The following DAXX variants were observed in gnomAD, a reference collection of about 807,000 sequenced individuals.
DAXX encodes the protein death domain-associated protein 6.
A neutral mutation model predicts 61.9 loss-of-function variants in DAXX; 24 were observed. That is an observed-to-expected ratio of 0.39 (90% CI 0.28 to 0.55). DAXX has a LOEUF of 0.55. DAXX is among the 20% of genes least tolerant of loss of function. The pLI, the probability that DAXX is intolerant of heterozygous loss-of-function variation, is 0.69. For missense variants in DAXX, 819 were observed against 935.3 expected (o/e 0.88, Z 1.62); for synonymous variants, 357 against 369.5 (o/e 0.97, Z 0.39).
In DAXX at chr6:33,320,861, G is replaced by A. The variant is rs2150994355; in HGVS notation, c.914C>T (p.Pro305Leu). 2 of 1,614,192 alleles carry A rather than the reference G, an allele frequency of 1.2e-6. No homozygotes were observed. Among genetic ancestry groups the A allele is most frequent in the Non-Finnish European group, 8.5e-7 (1 of 1,180,022 alleles). Reference protein sequence around the residue: ...KAAARHSLGLPRQQLQLMAQD... With the variant: ...KAAARHSLGLLRQQLQLMAQD... ...AGCCATGAGCTGGAGCTGCTGTCGG[G>A]GGAGGCCAAGGCTGTGTCGGGCAGC... Residue 305 changes from proline to leucine, a missense_variant, in exon 3 of 8, where the codon CCC becomes CTC. Physicochemically the swap from Pro to Leu is moderately conservative, Grantham distance 98. Coordinates refer to ENST00000374542, the MANE Select transcript of DAXX (RefSeq NM_001141969.2). The surrounding 1 kb of genome is among the most constrained non-coding windows in gnomAD (Gnocchi z 7.1).
At position 33,321,697 on chromosome 6, in the gene DAXX, A is replaced by G; in HGVS notation, c.207+22T>C. The G allele has an allele frequency of 6.2e-7, 1 of 1,611,540 alleles. No homozygotes were observed. The highest frequency in any genetic ancestry group is 8.5e-7 in the Non-Finnish European group (1 of 1,178,918). On this transcript the variant is annotated intron_variant, in intron 2 of 7. Coordinates refer to ENST00000374542, the MANE Select transcript of DAXX (RefSeq NM_001141969.2). This position sits in a 1 kb window ranked among gnomAD's most constrained non-coding sequence, Gnocchi z 7.2. ...GCCATCCCCCTCCCTGGGGTACAAC[A>G]ATCTTCCCCGCTAAAGCTCACCTCT... is the stretch of plus-strand genomic sequence containing the variant.
At position 33,318,904 on chromosome 6, in the gene DAXX, AG is replaced by A. The variant is rs570591011; in HGVS notation, c.2163+92del. On this transcript the variant is annotated intron_variant, in intron 7 of 7. Transcript: ENST00000374542. ...AAATGGGTGGGAAAAAGGAAGAGAC[AG>A]GATGTGGCACGTGGAATATTCAGAC... The A allele has an allele frequency of 5.0e-4, 656 of 1,306,012 alleles. 5 individuals carry two copies. The African/African-American group carries it at 6.7e-3, about 13-fold the overall frequency. 80.9% of individuals were successfully genotyped at this position (1,306,012 alleles called of 1,614,324 possible). A position where few individuals can be genotyped will look rare whatever the true frequency, so the allele number is the denominator to read the frequency against.
chr6:33,319,559 G>T lies in DAXX; in HGVS notation c.1761C>A (p.Ser587=). The change falls in exon 6 of 8, where the codon TCC becomes TCA. Residue 587 remains serine (S), a synonymous_variant. Transcript: ENST00000374542. The part of the protein sequence containing the change: ...DTPSSVETDI[S]SSRKQSEEPF... ...GCTCCTCTGATTGCTTCCTGGAAGA[G>T]GAAATGTCCGTCTCCACAGAGGAAG... 5 of 1,614,208 alleles carry T rather than the reference G, an allele frequency of 3.1e-6. No individual in the cohort carries two copies. Among genetic ancestry groups the T allele is most frequent in the Non-Finnish European group, 4.2e-6 (5 of 1,180,036 alleles).
Position 33,319,594 on chromosome 6 carries a change from G to C in DAXX, c.1726C>G (p.Leu576Val), listed in dbSNP as rs910713446. The C allele has an allele frequency of 6.2e-7, 1 of 1,614,184 alleles. No individual in the cohort carries two copies. The highest frequency in any genetic ancestry group is 1.3e-5 in the African/African-American group (1 of 75,034). The change falls in exon 6 of 8, where the codon CTG becomes GTG. Residue 576 changes from leucine to valine, a missense_variant. Leu to Val is a conservative substitution (Grantham distance 32). Coordinates refer to ENST00000374542, the MANE Select transcript of DAXX (RefSeq NM_001141969.2). ...LFELEIEALP[L>V]DTPSSVETDI... ...GTCTCCACAGAGGAAGGGGTATCCA[G>C]GGGCAAAGCTTCAATCTCTAGCTCA...
Position 33,320,841 on chromosome 6 carries a change from T to G in DAXX, c.934A>C (p.Met312Leu). The G allele has an allele frequency of 2.5e-6, 4 of 1,614,158 alleles. No individual in the cohort carries two copies. Among genetic ancestry groups the G allele is most frequent in the Non-Finnish European group, 3.4e-6 (4 of 1,180,024 alleles). Residue 312 changes from methionine to leucine, a missense_variant, in exon 3 of 8, where the codon ATG (methionine) becomes CTG (leucine). Met to Leu is a conservative substitution (Grantham distance 15). Coordinates refer to ENST00000374542, the MANE Select transcript of DAXX (RefSeq NM_001141969.2). This position sits in a 1 kb window ranked among gnomAD's most constrained non-coding sequence, Gnocchi z 7.1. The part of the protein sequence containing the change: ...LGLPRQQLQL[M>L]AQDAFRDVGI... The stretch of plus-strand genomic sequence containing the variant: ...ACATCTCGGAAGGCATCCTGAGCCA[T>G]GAGCTGGAGCTGCTGTCGGGGGAGG...
chr6:33,319,917 G>A, intron 5 of DAXX, 63 bp from the exon 6 acceptor site: 1 of 1,598,938 alleles, frequency 6.3e-7, no homozygotes, highest in Admixed American at 1.7e-5. Context: ...ACTGCTGAGA[G>A]GACACTAGGA....
Position 33,321,286 on chromosome 6 carries a change from G to A in DAXX, c.489C>T (p.His163=), listed in dbSNP as rs745862287. The A allele has an allele frequency of 2.5e-6, 4 of 1,612,884 alleles. No homozygotes were observed. Among genetic ancestry groups the A allele is most frequent in the Non-Finnish European group, 3.4e-6 (4 of 1,178,806 alleles). The change falls in exon 3 of 8, where the codon CAC becomes CAT. Residue 163 remains histidine (H), a synonymous_variant. Transcript: ENST00000374542. This position sits in a 1 kb window ranked among gnomAD's most constrained non-coding sequence, Gnocchi z 7.2. ...NEPSGNNPPT[H]LSLDPTNAEN... is the part of the protein sequence containing the mutation. ...CAGCATTTGTGGGGTCCAAGGAGAG[G>A]TGTGTGGGAGGGTTATTCCCAGAGG...
rs200944195 is a variant in DAXX at position 33,319,337 on chromosome 6, A to G, written c.1940+43T>C. The G allele has an allele frequency of 4.0e-5, 63 of 1,583,390 alleles. No homozygotes were observed. The Middle Eastern group carries it at 8.8e-4, about 22-fold the overall frequency. Reference sequence around the variant, plus strand: ...GTATTGCTCTCCGAAAGTCCCCTGCAATCCCTCCTTGGCTTCCCTCTTCCT... The same window carrying G: ...GTATTGCTCTCCGAAAGTCCCCTGCGATCCCTCCTTGGCTTCCCTCTTCCT... On this transcript the variant is annotated intron_variant, in intron 6 of 7. Coordinates refer to ENST00000374542, the MANE Select transcript of DAXX (RefSeq NM_001141969.2).
Position 33,321,399 on chromosome 6 carries a change from A to G in DAXX, c.376T>C (p.Tyr126His). 4 of 1,613,658 alleles carry G rather than the reference A, an allele frequency of 2.5e-6. No homozygotes were observed. Among genetic ancestry groups the G allele is most frequent in the Non-Finnish European group, 3.4e-6 (4 of 1,179,564 alleles). Residue 126 changes from tyrosine (Y) to histidine (H), a missense_variant, in exon 3 of 8, where the codon TAC becomes CAC. Coordinates refer to ENST00000374542, the MANE Select transcript of DAXX (RefSeq NM_001141969.2). The surrounding 1 kb of genome is among the most constrained non-coding windows in gnomAD (Gnocchi z 7.2). ...AGAACAGTGCAGAGCTCATTGATGT[A>G]GACATAGAGCTTGGCTGGCCGGCTC... ...ARSRPAKLYV[Y>H]INELCTVLKA...
At position 33,320,690 on chromosome 6, in the gene DAXX, A is replaced by T; in HGVS notation, c.1039+46T>A. The T allele has an allele frequency of 6.2e-7, 1 of 1,607,908 alleles. No individual in the cohort carries two copies. Among genetic ancestry groups the T allele is most frequent in the Non-Finnish European group, 8.5e-7 (1 of 1,175,620 alleles). On this transcript the variant is annotated intron_variant, in intron 3 of 7. Coordinates refer to ENST00000374542, the MANE Select transcript of DAXX (RefSeq NM_001141969.2). This position sits in a 1 kb window ranked among gnomAD's most constrained non-coding sequence, Gnocchi z 7.1. ...TAGAGAGATGCCCCATCCGCCTCAT[A>T]CCTGACATATAAGGGTCACTGAGAG...
intron 1 of DAXX, 168 bp from the exon 2 acceptor site, chr6:33,322,145 CAA>C: frequency 2.5e-6 from 1 of 404,778 alleles, no homozygotes; most frequent in East Asian, 3.8e-5. Context: ...TGGGGCCCTT[CAA>C]GTGGTGTGGG....
chr6:33,320,616 A>G lies in DAXX; in HGVS notation c.1040-25T>C. 4 of 1,610,878 alleles carry G rather than the reference A, an allele frequency of 2.5e-6. No homozygotes were observed. The highest frequency in any genetic ancestry group is 3.4e-6 in the Non-Finnish European group (4 of 1,178,298). Reference sequence around the variant, plus strand: ...CCTACGTGGGAAGACATAAAGTCAGAGCACTCAGCCCTTGAAGGGACTAGA... The same window carrying G: ...CCTACGTGGGAAGACATAAAGTCAGGGCACTCAGCCCTTGAAGGGACTAGA... On this transcript the variant is annotated intron_variant, in intron 3 of 7. Transcript: ENST00000374542. This position sits in a 1 kb window ranked among gnomAD's most constrained non-coding sequence, Gnocchi z 7.1.
Position 33,320,651 on chromosome 6 carries a change from A to C in DAXX, c.1040-60T>G. On this transcript the variant is annotated intron_variant, in intron 3 of 7. Coordinates refer to ENST00000374542, the MANE Select transcript of DAXX (RefSeq NM_001141969.2). This position sits in a 1 kb window ranked among gnomAD's most constrained non-coding sequence, Gnocchi z 7.1. ...CCTTGAAGGGACTAGAAGAGTAAAA[A>C]CCCTAGAAAGGACTAGAGAGATGCC... The C allele has an allele frequency of 6.2e-7, 1 of 1,603,260 alleles. No homozygotes were observed.
chr6:33,320,054 C>T lies in DAXX; in HGVS notation c.1422G>A (p.Gln474=), dbSNP rs2150990709. 3 of 1,613,374 alleles carry T rather than the reference C, an allele frequency of 1.9e-6. No homozygotes were observed. The highest frequency in any genetic ancestry group is 2.5e-6 in the Non-Finnish European group (3 of 1,179,622). Residue 474 remains glutamine, a synonymous_variant, in exon 5 of 8, where the codon CAG becomes CAA. Coordinates refer to ENST00000374542, the MANE Select transcript of DAXX (RefSeq NM_001141969.2). This position sits in a 1 kb window ranked among gnomAD's most constrained non-coding sequence, Gnocchi z 7.1. ...EEDLEQMQEG[Q]EDDEEEDEEE... is the part of the protein sequence containing the mutation. ...CTTCGTCCTCCTCTTCATCATCCTC[C>T]TGACCCTCCTGCATCTGTTCCAGAT...
At chr6:33,318,871 A>T in intron 7 of DAXX, 69 bp from the exon 8 acceptor site, 1 of 1,254,868 alleles carries the variant, frequency 8.0e-7, no homozygotes, top group Non-Finnish European at 1.1e-6. Context: ...AGGAGGATTT[A>T]GAGGATAAAA....
chr6:33,318,846 C>T (rs2150986298), intron 7 of DAXX, 44 bp from the exon 8 acceptor site: 2 of 1,320,432 alleles, frequency 1.5e-6, no homozygotes, highest in Non-Finnish European at 2.1e-6. Flanking sequence ...ATCTGGAGTA[C>T]AGGAGAAAAG....
rs200861193 is a variant in DAXX, at chr6:33,318,735, G to A, written c.*8C>T. The stretch of plus-strand genomic sequence containing the variant: ...GAACATTCTGGAGGCAGGGAGAAGG[G>A]GAGGCAGCTAATCAGAGTCTGAGAG... On this transcript the variant is annotated 3_prime_UTR_variant, in exon 8 of 8. Coordinates refer to ENST00000374542, the MANE Select transcript of DAXX (RefSeq NM_001141969.2). 1.1e-4 allele frequency: 163 copies of A among 1,418,498 alleles called. 1 individual carries two copies. Among genetic ancestry groups the A allele is most frequent in the Non-Finnish European group, 1.5e-4 (149 of 1,027,322 alleles). 87.9% of individuals were successfully genotyped at this position (1,418,498 alleles called of 1,614,324 possible).
rs1562725835 is a variant in DAXX at position 33,320,757 on chromosome 6, G to C, written c.1018C>G (p.Leu340Val). The C allele has an allele frequency of 1.2e-6, 2 of 1,614,126 alleles. No individual in the cohort carries two copies. The highest frequency in any genetic ancestry group is 2.2e-5 in the South Asian group (2 of 91,090). Residue 340 changes from leucine to valine, a missense_variant, in exon 3 of 8, where the codon CTC becomes GTC. Coordinates refer to ENST00000374542, the MANE Select transcript of DAXX (RefSeq NM_001141969.2). This position sits in a 1 kb window ranked among gnomAD's most constrained non-coding sequence, Gnocchi z 7.1. ...LDLIYNFGCH[L>V]TDDYRPGVDP... ...CTACCTGGCCTATAGTCATCTGTGA[G>C]GTGGCAGCCAAAGTTGTAGATGAGA...
chr6:33,320,538 G>A lies in DAXX; in HGVS notation c.1093C>T (p.Arg365Trp), dbSNP rs769857663. 1.9e-6 allele frequency: 3 copies of A among 1,614,008 alleles called. No homozygotes were observed. Among genetic ancestry groups the A allele is most frequent in the African/African-American group, 1.3e-5 (1 of 75,050 alleles). The change falls in exon 4 of 8, where the codon CGG becomes TGG. Residue 365 changes from arginine (R) to tryptophan (W), a missense_variant. Physicochemically the swap from Arg to Trp is moderately radical, Grantham distance 101. Transcript: ENST00000374542. The surrounding 1 kb of genome is among the most constrained non-coding windows in gnomAD (Gnocchi z 7.1). ...TCCAGCCGACTCATGGCCAAACTCC[G>A]GTTTTCCCGAAGGCGCCGGGCCAAC... ...PVLARRLREN[R>W]SLAMSRLDEV...
Sources: gnomAD v4.1 joint callset for allele counts on GRCh38, gnomAD v4.1.1 for gene constraint, Gnocchi (gnomAD v3.1) non-coding constraint, MANE v1.5 for transcripts, NCBI Gene and HGNC (gene_info 2026-07-23, HGNC 2026-07-21) for gene names.